The following FBXO9 variants were observed in gnomAD, a reference collection of about 807,000 sequenced individuals.
FBXO9 encodes the protein F-box protein 9.
FBXO9 carries 43 observed loss-of-function variants against 63.7 expected under a neutral mutation model. The observed-to-expected ratio is 0.67, with a 90% CI of 0.53 to 0.87. The LOEUF (loss-of-function observed/expected upper bound fraction) is 0.87. Ranked by LOEUF, FBXO9 falls within the 40% of genes least tolerant of loss-of-function variation. The pLI is 0.00. For missense variants in FBXO9, 442 were observed against 533.2 expected, an observed-to-expected ratio of 0.83 and a Z score of 1.68; for synonymous variants, 156 against 171.7, an observed-to-expected ratio of 0.91 and a Z score of 0.72.
chr6:53,070,947 A>T, intron 1 of FBXO9, 110 bp from the exon 2 acceptor site: 1 of 1,492,360 alleles, frequency 6.7e-7, no homozygotes, highest in Non-Finnish European at 9.0e-7. Context: ...GGTTCCACAA[A>T]GTGTTGACAG....
At position 53,087,538 on chromosome 6, in the gene FBXO9, T is replaced by C. The variant is rs541919068; in HGVS notation, c.654-4891T>C. Among the ~76,000 whole-genome samples the C allele has an allele frequency of 2.0e-5, 3 of 152,190 alleles. No homozygotes were observed. In the East Asian group the frequency reaches 5.8e-4, roughly 29 times the overall value. Reference sequence around the variant, plus strand: ...GCAATGGTGTATGACCTGCAAATCATGTGCAGGAGTGGTACAGCAAAAGTT... The same window carrying C: ...GCAATGGTGTATGACCTGCAAATCACGTGCAGGAGTGGTACAGCAAAAGTT... On this transcript the variant is annotated intron_variant, in intron 7 of 12. Coordinates refer to ENST00000323557, the MANE Select transcript of FBXO9 (RefSeq NM_033480.3).
chr6:53,073,571 G>A lies in FBXO9; in HGVS notation c.181G>A (p.Ala61Thr). ...TTTAGAAAATCGACCTTGCAGAGCA[G>A]CAAGAGGCTCTCTCCAGAAAACATC... ...SNLENRPCRA[A>T]RGSLQKTSAD... Residue 61 changes from alanine to threonine, a missense_variant, in exon 3 of 13, where the codon GCA becomes ACA. Physicochemically the swap from Ala to Thr is moderately conservative, Grantham distance 58. This residue lies in a region of FBXO9 where 180 missense variants were observed against 171.1 expected (regional missense o/e 1.05). Coordinates refer to ENST00000323557, the MANE Select transcript of FBXO9 (RefSeq NM_033480.3). The A allele has an allele frequency of 6.2e-7, 1 of 1,611,654 alleles. No homozygotes were observed. Among genetic ancestry groups the A allele is most frequent in the East Asian group, 2.2e-5 (1 of 44,858 alleles).
chr6:53,095,688 CAAGGTTACACTATA>C lies in FBXO9; in HGVS notation c.1205+27_1205+40del, dbSNP rs143468231. On this transcript the variant is annotated intron_variant, in intron 12 of 12. Coordinates refer to ENST00000323557, the MANE Select transcript of FBXO9 (RefSeq NM_033480.3). ...AAGTAGGTGAATGCAATAAAAATAA[CAAGGTTACACTATA>C]AATGTATACTTCGTATCCAGCTTAA... 3,485 of 1,583,582 alleles carry C rather than the reference CAAGGTTACACTATA, an allele frequency of 2.2e-3. 66 individuals are homozygous for C. In the African/African-American group the frequency reaches 0.041, roughly 18 times the overall value.
At position 53,097,632 on chromosome 6, in the gene FBXO9, A is replaced by T. The variant is rs1297325851; in HGVS notation, c.1206-90A>T. The T allele has an allele frequency of 7.5e-6, 5 of 664,424 alleles. No individual in the cohort carries two copies. The East Asian group carries it at 1.7e-4, about 22-fold the overall frequency. The allele number at this position is 664,424 out of a possible 1,614,324, so 41.2% of individuals were successfully genotyped here. A position where few individuals can be genotyped will look rare whatever the true frequency, so the allele number is the denominator to read the frequency against. Reference sequence around the variant, plus strand: ...AGATGAATTAAAAATAAAAAAGGCTAAAGCATAGAATAACCTTCCCCAAAC... The same window carrying T: ...AGATGAATTAAAAATAAAAAAGGCTTAAGCATAGAATAACCTTCCCCAAAC... On this transcript the variant is annotated intron_variant, in intron 12 of 12. Transcript: ENST00000323557.
In FBXO9 at chr6:53,097,922, GTGTGTATA is replaced by G. The variant is rs1283591984; in HGVS notation, c.*94_*101del. Reference sequence around the variant, plus strand: ...GTTATAAATGTGTGTGTGTGCGTGTGTGTGTATATATATATATATATATATATATATAT... The same window carrying G: ...GTTATAAATGTGTGTGTGTGCGTGTGTATATATATATATATATATATATAT... On this transcript the variant is annotated 3_prime_UTR_variant, in exon 13 of 13. Coordinates refer to ENST00000323557, the MANE Select transcript of FBXO9 (RefSeq NM_033480.3). The G allele has an allele frequency of 1.6e-5, 2 of 126,986 alleles. No homozygotes were observed. Among genetic ancestry groups the G allele is most frequent in the South Asian group, 1.7e-4 (1 of 5,960 alleles). The allele number at this position is 126,986 out of a possible 1,614,324, so 7.9% of individuals were successfully genotyped here. A position where few individuals can be genotyped will look rare whatever the true frequency, so the allele number is the denominator to read the frequency against.
chr6:53,093,367 G>T, intron 9 of FBXO9, 99 bp from the exon 10 acceptor site: 2 of 709,990 alleles, frequency 2.8e-6, no homozygotes, highest in Non-Finnish European at 2.3e-6. Flanking sequence ...TTCAGTGTTG[G>T]TTTCATAGCT....
At chr6:53,088,549 A>G (rs1328700514) in intron 7 of FBXO9, among the ~76,000 whole-genome samples, 2 of 151,546 alleles carry the variant, frequency 1.3e-5, no homozygotes, top group Non-Finnish European at 2.9e-5. Flanking sequence ...GAAAGTCAGG[A>G]GTTTAGACCT....
intron 7 of FBXO9, among the ~76,000 whole-genome samples, chr6:53,089,349 A>G (rs1017378517): frequency 6.6e-6 from 1 of 152,140 alleles, no homozygotes; most frequent in African/African-American, 2.4e-5. Context: ...TGCTGGGATT[A>G]CAGACGTGAG....
chr6:53,090,813 TG>T (rs1763019308), intron 7 of FBXO9: 1 of 152,260 alleles, frequency 6.6e-6, no homozygotes, highest in Admixed American at 6.5e-5. Flanking sequence ...CCTGAGTAAC[TG>T]GAACTACAGG....
At chr6:53,096,416 A>G (rs1288656625) in intron 12 of FBXO9, among the ~76,000 whole-genome samples, 1 of 152,170 alleles carries the variant, frequency 6.6e-6, no homozygotes, top group South Asian at 2.1e-4. Context: ...GTCAGCTTCC[A>G]TTGCCTCTTT....
rs1581837484 is a variant in FBXO9, at chr6:53,099,195, T to C, written c.*1365T>C. ...TGAGCTCAGGAGTCCAAGACCAGCC[T>C]GGGCAACATGGCAAAACACCGTCTC... is the stretch of plus-strand genomic sequence containing the variant. On this transcript the variant is annotated 3_prime_UTR_variant, in exon 13 of 13. Coordinates refer to ENST00000323557, the MANE Select transcript of FBXO9 (RefSeq NM_033480.3). 7.7e-6 allele frequency: 1 copy of C among 129,262 alleles called. No homozygotes were observed. Among genetic ancestry groups the C allele is most frequent in the Admixed American group, 9.0e-5 (1 of 11,122 alleles). The allele number at this position is 129,262 out of a possible 1,614,324, so 8.0% of individuals were successfully genotyped here. A position where few individuals can be genotyped will look rare whatever the true frequency, so the allele number is the denominator to read the frequency against.
chr6:53,065,349 C>G (rs553126052), upstream of FBXO9: 47 of 163,294 alleles, frequency 2.9e-4, no homozygotes, highest in African/African-American at 1.0e-3. Context: ...CTCCACTAGG[C>G]AGCCCGCGGG....
chr6:53,098,228 G>A lies in FBXO9; in HGVS notation c.*398G>A. On this transcript the variant is annotated 3_prime_UTR_variant, in exon 13 of 13. Transcript: ENST00000323557. ...AGTATCCTAATATTTCAATGCATCA[G>A]GGGAGCGCTCCACTGGATAAGCATT... 3.1e-6 allele frequency: 1 copy of A among 323,606 alleles called. No individual in the cohort carries two copies. Among genetic ancestry groups the A allele is most frequent in the South Asian group, 2.5e-5 (1 of 40,362 alleles). 20.0% of individuals were successfully genotyped at this position (323,606 alleles called of 1,614,324 possible).
chr6:53,075,003 A>G (rs951936921), intron 3 of FBXO9, among the ~76,000 whole-genome samples: 12 of 152,208 alleles, frequency 7.9e-5, no homozygotes, highest in East Asian at 1.9e-4. Flanking sequence ...TAGTAAGTAC[A>G]TGTTTGATTT....
intron 1 of FBXO9, 143 bp downstream of exon 1, chr6:53,065,935 C>A: frequency 8.6e-7 from 1 of 1,169,224 alleles, no homozygotes; most frequent in Non-Finnish European, 1.1e-6. Flanking sequence ...AGGGCCCTGG[C>A]CTGAGAAGGA....
Position 53,076,543 on chromosome 6 carries a change from G to A in FBXO9, c.307G>A (p.Ala103Thr). The A allele has an allele frequency of 2.6e-6, 4 of 1,528,530 alleles. No homozygotes were observed. Among genetic ancestry groups the A allele is most frequent in the Non-Finnish European group, 2.6e-6 (3 of 1,148,862 alleles). The allele number at this position is 1,528,530 out of a possible 1,614,324, so 94.7% of individuals were successfully genotyped here. A position where few individuals can be genotyped will look rare whatever the true frequency, so the allele number is the denominator to read the frequency against. ...AGAACAAAATGGAGCTCTCTATGAAGGTAAAAATTCAGAGCCCAGGTTCAT... is the reference window on the plus strand; with the variant it reads ...AGAACAAAATGGAGCTCTCTATGAAAGTAAAAATTCAGAGCCCAGGTTCAT... The part of the protein sequence containing the change: ...EEEQNGALYE[A>T]IKFYRRAMQL... The change falls in exon 4 of 13, where the codon GCC (alanine) becomes ACC (threonine). Residue 103 changes from alanine to threonine, a missense_variant and splice_region_variant. Ala to Thr is a moderately conservative substitution (Grantham distance 58, BLOSUM62 0). Around this residue, in one of 2 missense-constraint regions of FBXO9, gnomAD observed 180 missense variants for 171.1 expected, o/e 1.05. Coordinates refer to ENST00000323557, the MANE Select transcript of FBXO9 (RefSeq NM_033480.3).
intron 4 of FBXO9, among the ~76,000 whole-genome samples, chr6:53,077,472 C>CAAA (rs1173539613): frequency 1.8e-4 from 13 of 70,466 alleles, no homozygotes; most frequent in Admixed American, 2.5e-4. Context: ...GACTCCGTCT[C>CAAA]AAAAAAAAAA....
chr6:53,074,683 C>G (rs1769037597), intron 3 of FBXO9, among the ~76,000 whole-genome samples: 1 of 152,156 alleles, frequency 6.6e-6, no homozygotes, highest in East Asian at 1.9e-4. Flanking sequence ...TTTGATATTC[C>G]AAGAATGTTG....
At chr6:53,088,082 A>G (rs1013225581) in intron 7 of FBXO9, among the ~76,000 whole-genome samples, 12 of 152,236 alleles carry the variant, frequency 7.9e-5, no homozygotes, top group African/African-American at 2.9e-4. Flanking sequence ...TCTCTTTTTC[A>G]TCTTTTTTTA....
Sources: allele counts gnomAD v4.1 joint callset (sites outside exome capture counted in the v4.1 genomes callset), GRCh38; gene constraint gnomAD v4.1.1; regional missense constraint gnomAD v4.1.1; transcripts MANE v1.5; gene names NCBI Gene and HGNC (gene_info 2026-07-23, HGNC 2026-07-21).